PPP2R2B: variants seen among roughly 807,000 people sequenced by gnomAD.
PPP2R2B encodes the protein serine/threonine-protein phosphatase 2A 55 kDa regulatory subunit B beta isoform.
A neutral mutation model predicts 46.0 loss-of-function variants in PPP2R2B; 5 were observed. The observed-to-expected ratio is 0.11, with a 90% confidence interval of 0.06 to 0.23. The LOEUF is 0.23. PPP2R2B is among the 10% of genes least tolerant of loss of function. The pLI is 1.00. For missense variants in PPP2R2B, 367 were observed against 575.0 expected, an observed-to-expected ratio of 0.64 and a Z score of 3.70; for synonymous variants, 215 against 206.7, an observed-to-expected ratio of 1.04 and a Z score of -0.34.
intron 1 of PPP2R2B, chr5:147,054,631 A>G: frequency 2.2e-6 from 1 of 456,236 alleles, no homozygotes; most frequent in Non-Finnish European, 4.4e-6. Flanking sequence ...TTCATTATAA[A>G]CACACAGCCC....
At chr5:146,925,412 C>A (rs980262607) in intron 1 of PPP2R2B, among the ~76,000 whole-genome samples, 1 of 152,150 alleles carries the variant, frequency 6.6e-6, no homozygotes, top group Non-Finnish European at 1.5e-5. Flanking sequence ...TTGTTAGATA[C>A]AGAATTCTTG....
chr5:146,689,904 C>T (rs962749760), intron 5 of PPP2R2B, among the ~76,000 whole-genome samples: 4 of 152,114 alleles, frequency 2.6e-5, no homozygotes, highest in Non-Finnish European at 5.9e-5. Context: ...GACCATGTGC[C>T]CATTAGGACA....
At chr5:147,069,785 GT>G (rs540998224) in intron 2 of PPP2R2B, among the ~76,000 whole-genome samples, 238 of 64,768 alleles carry the variant, frequency 3.7e-3, no homozygotes, top group South Asian at 8.5e-3. Context: ...ATTTTATACT[GT>G]TTTTTTTTTT....
Position 146,839,087 on chromosome 5 carries a change from A to G in PPP2R2B, c.70+38915T>C, listed in dbSNP as rs138252023. On this transcript the variant is annotated intron_variant, in intron 2 of 9. Coordinates refer to ENST00000394411, the MANE Select transcript of PPP2R2B (RefSeq NM_181675.4). ...AACTTCCAATTAGAAGCTTGTTCTA[A>G]TTGTGCCTTCCTAAATACTCTTCTT... Among the ~76,000 whole-genome samples the G allele has an allele frequency of 4.4e-3, 670 of 152,268 alleles. 8 individuals carry two copies. Among genetic ancestry groups the G allele is most frequent in the African/African-American group, 0.015 (634 of 41,540 alleles).
intron 7 of PPP2R2B, among the ~76,000 whole-genome samples, chr5:146,623,731 G>A: frequency 6.6e-6 from 1 of 152,186 alleles, no homozygotes; most frequent in East Asian, 1.9e-4. Flanking sequence ...GTATCATTAT[G>A]AGCTTCGTGG....
At chr5:146,764,799 C>G (rs1218535690) in intron 2 of PPP2R2B, among the ~76,000 whole-genome samples, 1 of 63,270 alleles carries the variant, frequency 1.6e-5, no homozygotes, top group African/African-American at 7.1e-5. Context: ...CATCTCTATC[C>G]CGAGAGAGAG....
intron 1 of PPP2R2B, among the ~76,000 whole-genome samples, chr5:146,903,546 C>T (rs1380040053): frequency 6.6e-6 from 1 of 151,958 alleles, no homozygotes; most frequent in East Asian, 1.9e-4. Context: ...TAGGTGCATG[C>T]CACCACACCT....
At chr5:146,706,806 C>T in intron 2 of PPP2R2B, 1 of 881,246 alleles carries the variant, frequency 1.1e-6, no homozygotes, top group East Asian at 2.4e-5. Flanking sequence ...CTGCGGTTGG[C>T]GATCTCCTCG....
intron 8 of PPP2R2B, among the ~76,000 whole-genome samples, chr5:146,597,506 C>G (rs918426430): frequency 6.6e-6 from 1 of 152,144 alleles, no homozygotes; most frequent in Non-Finnish European, 1.5e-5. Context: ...AACAAGCTTG[C>G]CTTTCTTGCT....
At chr5:147,011,395 CAT>C (rs1213397690) in intron 1 of PPP2R2B, among the ~76,000 whole-genome samples, 2 of 152,096 alleles carry the variant, frequency 1.3e-5, no homozygotes, top group African/African-American at 4.8e-5. Context: ...TATATATCAC[CAT>C]ATATATCACA....
At chr5:147,034,975 G>T (rs1034755156) in intron 1 of PPP2R2B, among the ~76,000 whole-genome samples, 4 of 152,036 alleles carry the variant, frequency 2.6e-5, no homozygotes, top group East Asian at 3.9e-4. Context: ...GGTGTGGGGT[G>T]GGGGGAGGAA....
intron 2 of PPP2R2B, among the ~76,000 whole-genome samples, chr5:146,800,917 TACAC>T (rs148564633): frequency 1.0e-3 from 150 of 145,394 alleles, no homozygotes; most frequent in Middle Eastern, 3.5e-3. Context: ...TATGTGTACA[TACAC>T]ACACACACAC....
At chr5:147,003,038 A>C (rs1754253905) in intron 1 of PPP2R2B, among the ~76,000 whole-genome samples, 1 of 152,130 alleles carries the variant, frequency 6.6e-6, no homozygotes, top group Non-Finnish European at 1.5e-5. Context: ...TGGCCACCTG[A>C]GGGAAGTATA....
chr5:146,943,093 G>A (rs565487065), intron 1 of PPP2R2B, among the ~76,000 whole-genome samples: 15 of 152,100 alleles, frequency 9.9e-5, no homozygotes, highest in African/African-American at 2.9e-4. Flanking sequence ...TACTACGCCC[G>A]GCCCAAATCC....
At chr5:147,015,589 T>A (rs1291974577) in intron 1 of PPP2R2B, among the ~76,000 whole-genome samples, 1 of 151,640 alleles carries the variant, frequency 6.6e-6, no homozygotes, top group African/African-American at 2.4e-5. Flanking sequence ...AGTCTTACGG[T>A]TGGCTGACTC....
At chr5:146,795,418 T>C (rs1365952802) in intron 2 of PPP2R2B, among the ~76,000 whole-genome samples, 1 of 152,056 alleles carries the variant, frequency 6.6e-6, no homozygotes. Flanking sequence ...TTACGCCAAA[T>C]GAAATGAACC....
intron 1 of PPP2R2B, among the ~76,000 whole-genome samples, chr5:147,001,288 C>T (rs1754159112): frequency 6.6e-6 from 1 of 152,212 alleles, no homozygotes; most frequent in Non-Finnish European, 1.5e-5. Context: ...CTGCTGCTCA[C>T]TCTTTGGGTC....
chr5:147,049,553 C>A (rs543488990), intron 1 of PPP2R2B, among the ~76,000 whole-genome samples: 1 of 152,046 alleles, frequency 6.6e-6, no homozygotes, highest in African/African-American at 2.4e-5. Flanking sequence ...AGATCACTTA[C>A]GAGCAAGTAT....
intron 1 of PPP2R2B, chr5:147,054,721 GAGTGTGGCT>G (rs1283192273): frequency 1.1e-5 from 5 of 455,974 alleles, no homozygotes; most frequent in Non-Finnish European, 1.8e-5. Flanking sequence ...AGTTCCAAGA[GAGTGTGGCT>G]AGACATGAGT....
Sources: allele counts gnomAD v4.1 joint callset (sites outside exome capture counted in the v4.1 genomes callset), GRCh38; gene constraint gnomAD v4.1.1; transcripts MANE v1.5; gene names NCBI Gene and HGNC (gene_info 2026-07-23, HGNC 2026-07-21).